CD82: variants seen among roughly 807,000 people sequenced by gnomAD.
CD82 encodes CD82 molecule, also known as CD82 antigen.
A neutral mutation model predicts 37.4 loss-of-function variants in CD82; 36 were observed. The ratio of observed to expected loss-of-function variants is 0.96; its 90% CI spans 0.74 to 1.27. CD82 has a LOEUF of 1.27. Ranked by LOEUF, CD82 falls within the 50% of genes most tolerant of loss-of-function variation. CD82 has a pLI of 0.00. For synonymous variants in CD82, 158 were observed against 137.4 expected (o/e 1.15, Z -1.05); for missense variants, 340 against 347.0 (o/e 0.98, Z 0.16).
chr11:44,615,258 C>T lies in CD82; in HGVS notation c.337-14C>T, dbSNP rs1414479080. The T allele has an allele frequency of 6.4e-7, 1 of 1,571,976 alleles. No homozygotes were observed. Among genetic ancestry groups the T allele is most frequent in the African/African-American group, 1.3e-5 (1 of 74,508 alleles). ...CAGGAAATCTGACCCTGACCTTTGT[C>T]CTCCCCCCTGCAGCTGAAGCAGGAG... is the stretch of plus-strand genomic sequence containing the variant. On this transcript the variant is annotated splice_polypyrimidine_tract_variant and intron_variant, in intron 6 of 9. Coordinates refer to ENST00000227155, the MANE Select transcript of CD82 (RefSeq NM_002231.4).
intron 4 of CD82, among the ~76,000 whole-genome samples, chr11:44,601,631 G>A (rs1853311169): frequency 6.6e-6 from 1 of 152,164 alleles, no homozygotes; most frequent in African/African-American, 2.4e-5. Context: ...CACTGGGTGG[G>A]GAGAGCTTCC....
At chr11:44,616,850 C>T (rs111896609) in intron 7 of CD82, among the ~76,000 whole-genome samples, 245 of 152,266 alleles carry the variant, frequency 1.6e-3, no homozygotes, top group African/African-American at 5.5e-3. Flanking sequence ...CTGTCGTAGA[C>T]GGGCCAAGGA....
chr11:44,593,794 G>A (rs1853179192), intron 2 of CD82, among the ~76,000 whole-genome samples: 1 of 152,110 alleles, frequency 6.6e-6, no homozygotes. Flanking sequence ...ATCACAAAAT[G>A]CTAACTACAC....
chr11:44,576,418 G>C (rs1852892219), intron 1 of CD82, among the ~76,000 whole-genome samples: 1 of 152,216 alleles, frequency 6.6e-6, no homozygotes, highest in Admixed American at 6.5e-5. Context: ...AGAACTGAAA[G>C]GGGCAGAGCT....
At chr11:44,573,560 T>C (rs950402151) in intron 1 of CD82, among the ~76,000 whole-genome samples, 1 of 152,210 alleles carries the variant, frequency 6.6e-6, no homozygotes, top group Non-Finnish European at 1.5e-5. Context: ...ATGTGTCCTC[T>C]ACTCTGAACT....
chr11:44,599,567 C>A lies in CD82; in HGVS notation c.64-591C>A, dbSNP rs570712109. ...CAGAGCTGCCTCCAGCCAGCCCTGC[C>A]CTCAGGGAGCTCACAGTTTAGCCAG... On this transcript the variant is annotated intron_variant, in intron 3 of 9. Coordinates refer to ENST00000227155, the MANE Select transcript of CD82 (RefSeq NM_002231.4). 3.1e-4 allele frequency among the ~76,000 whole-genome samples: 47 copies of A among 152,380 alleles called. 1 individual carries two copies. The highest frequency in any genetic ancestry group is 9.9e-4 in the African/African-American group (41 of 41,594).
intron 2 of CD82, 192 bp downstream of exon 2, chr11:44,587,748 G>A (rs940738188): frequency 3.2e-5 from 12 of 380,142 alleles, no homozygotes; most frequent in East Asian, 2.9e-4. Context: ...GGGGAGGCTC[G>A]GCAGCAGGTC....
intron 1 of CD82, among the ~76,000 whole-genome samples, chr11:44,575,716 C>T (rs1049801561): frequency 2.6e-5 from 4 of 152,148 alleles, no homozygotes; most frequent in Non-Finnish European, 5.9e-5. Flanking sequence ...AATAAAGGCT[C>T]ATCTTGTGAG....
intron 6 of CD82, among the ~76,000 whole-genome samples, chr11:44,610,170 C>T (rs934604424): frequency 6.6e-6 from 1 of 152,176 alleles, no homozygotes; most frequent in African/African-American, 2.4e-5. Context: ...CCCCAAGGGG[C>T]GGGCACAGGA....
Position 44,619,202 on chromosome 11 carries a change from A to G in CD82, c.*76A>G. The stretch of plus-strand genomic sequence containing the variant: ...AGGGGTCTCCCTGGCTCCCTCCTCC[A>G]GGCCTGCCTCCCACTTCACTGCGAA... On this transcript the variant is annotated 3_prime_UTR_variant, in exon 10 of 10. Transcript: ENST00000227155. The G allele has an allele frequency of 8.5e-7, 1 of 1,174,504 alleles. No individual in the cohort carries two copies. Among genetic ancestry groups the G allele is most frequent in the Non-Finnish European group, 1.3e-6 (1 of 780,042 alleles). 72.8% of individuals were successfully genotyped at this position (1,174,504 alleles called of 1,614,324 possible).
intron 7 of CD82, among the ~76,000 whole-genome samples, chr11:44,616,224 T>C (rs941552808): frequency 2.6e-5 from 4 of 151,938 alleles, no homozygotes; most frequent in African/African-American, 7.3e-5. Context: ...GGACACTCCA[T>C]CTAGGTGACA....
chr11:44,594,583 T>C (rs1396383872), intron 2 of CD82, 60 bp from the exon 3 acceptor site: 1 of 1,043,170 alleles, frequency 9.6e-7, no homozygotes, highest in African/African-American at 1.6e-5. Context: ...CCTCCTGGGG[T>C]TGCTGCAAGG....
chr11:44,587,332 G>C (rs540901873), intron 1 of CD82, 143 bp from the exon 2 acceptor site: 2 of 422,776 alleles, frequency 4.7e-6, no homozygotes, highest in Non-Finnish European at 9.7e-6. Context: ...AGCCTGTGGG[G>C]GGAAGAGGAC....
upstream of CD82, among the ~76,000 whole-genome samples, chr11:44,564,964 T>C (rs557548669): frequency 3.1e-4 from 47 of 152,378 alleles, no homozygotes; most frequent in Non-Finnish European, 6.2e-4. Flanking sequence ...GCGCTTGGCA[T>C]AGAGCCTGGC....
chr11:44,596,843 T>A (rs1253515211), intron 3 of CD82: 2 of 451,912 alleles, frequency 4.4e-6, no homozygotes, highest in African/African-American at 4.0e-5. Context: ...CCGGAGCTTG[T>A]GTCCTAGGGA....
intron 6 of CD82, among the ~76,000 whole-genome samples, chr11:44,609,834 C>T (rs1045222899): frequency 2.6e-5 from 4 of 152,122 alleles, no homozygotes; most frequent in Non-Finnish European, 5.9e-5. Flanking sequence ...GTCCAGGCTA[C>T]CCCTCTGGAA....
intron 1 of CD82, among the ~76,000 whole-genome samples, chr11:44,572,000 C>A (rs1852821027): frequency 6.6e-6 from 1 of 152,222 alleles, no homozygotes; most frequent in African/African-American, 2.4e-5. Flanking sequence ...AGTTATAGCC[C>A]TTCTTGGGCT....
At chr11:44,590,226 C>T (rs1328607362) in intron 2 of CD82, among the ~76,000 whole-genome samples, 1 of 26,386 alleles carries the variant, frequency 3.8e-5, no homozygotes, top group African/African-American at 1.6e-4. Context: ...CCAGATAGAC[C>T]AGTAGGCATG....
Position 44,615,265 on chromosome 11 carries a change from C to G in CD82, c.337-7C>G, listed in dbSNP as rs571284826. ...TCTGACCCTGACCTTTGTCCTCCCCCCTGCAGCTGAAGCAGGAGATGGGCG... is the reference window on the plus strand; with the variant it reads ...TCTGACCCTGACCTTTGTCCTCCCCGCTGCAGCTGAAGCAGGAGATGGGCG... On this transcript the variant is annotated splice_polypyrimidine_tract_variant and splice_region_variant and intron_variant, in intron 6 of 9. Transcript: ENST00000227155. The G allele has an allele frequency of 2.8e-5, 45 of 1,593,746 alleles. No homozygotes were observed. In the East Asian group the frequency reaches 3.1e-4, roughly 11 times the overall value.
Sources: gnomAD v4.1 joint callset for allele counts (sites outside exome capture counted in the v4.1 genomes callset) on GRCh38, gnomAD v4.1.1 for gene constraint, MANE v1.5 for transcripts, NCBI Gene and HGNC (gene_info 2026-07-23, HGNC 2026-07-21) for gene names.